EFHD1: variants seen among roughly 807,000 people sequenced by gnomAD.
EFHD1 encodes the protein EF-hand domain family member D1.
Under a neutral mutation model 17.2 loss-of-function variants are expected in EFHD1, and 10 were observed. The ratio of observed to expected loss-of-function variants is 0.58; its 90% CI spans 0.36 to 0.99. The LOEUF (loss-of-function observed/expected upper bound fraction) is 0.99, where lower values mean the gene tolerates loss of function less well. Among genes scored for constraint, EFHD1 ranks in the 50% least tolerant of loss-of-function variants. The pLI, the probability that EFHD1 is intolerant of heterozygous loss-of-function variation, is 0.01. For synonymous variants in EFHD1, 153 were observed against 142.0 expected (o/e 1.08, Z -0.55); for missense variants, 310 against 327.5 (o/e 0.95, Z 0.41).
At position 232,656,226 on chromosome 2, in the gene EFHD1, T is replaced by C. The variant is rs186613760; in HGVS notation, c.303-6576T>C. On this transcript the variant is annotated intron_variant, in intron 1 of 3. Transcript: ENST00000264059. ...GACCATGATGAGGTGGGTAGGACTG[T>C]GGCCCTTGCATTCAGGATTCAGGAC... Among the ~76,000 whole-genome samples the C allele has an allele frequency of 1.6e-3, 239 of 152,266 alleles. 2 individuals are homozygous for C. Among genetic ancestry groups the C allele is most frequent in the African/African-American group, 4.4e-3 (184 of 41,566 alleles).
At chr2:232,667,734 T>A (rs983554540) in intron 2 of EFHD1, among the ~76,000 whole-genome samples, 26 of 152,056 alleles carry the variant, frequency 1.7e-4, no homozygotes, top group African/African-American at 5.8e-4. Flanking sequence ...GTATTTTTCT[T>A]TTTAGTAGAG....
chr2:232,630,687 T>C (rs551102600), upstream of EFHD1, among the ~76,000 whole-genome samples: 27 of 151,574 alleles, frequency 1.8e-4, no homozygotes, highest in Admixed American at 4.6e-4. Context: ...GGCTCACCCC[T>C]GTAATCCCAG....
chr2:232,662,955 T>C lies in EFHD1; in HGVS notation c.450+6T>C. The C allele has an allele frequency of 1.3e-6, 2 of 1,573,914 alleles. No individual in the cohort carries two copies. Among genetic ancestry groups the C allele is most frequent in the Non-Finnish European group, 1.7e-6 (2 of 1,164,438 alleles). On this transcript the variant is annotated splice_donor_region_variant and intron_variant, in intron 2 of 3. Coordinates refer to ENST00000264059, the MANE Select transcript of EFHD1 (RefSeq NM_025202.4). Reference sequence around the variant, plus strand: ...GCAAGCTCAGCTTCCGGGAGGTACCTGCCTGCTGTGGCCCTGAGCCCCTGT... The same window carrying C: ...GCAAGCTCAGCTTCCGGGAGGTACCCGCCTGCTGTGGCCCTGAGCCCCTGT...
chr2:232,613,590 G>T (rs1415595585), intron 1 of EFHD1, among the ~76,000 whole-genome samples: 2 of 149,900 alleles, frequency 1.3e-5, no homozygotes, highest in Non-Finnish European at 3.0e-5. Flanking sequence ...ACTGCACAGG[G>T]ACAAAGAGGA....
chr2:232,647,777 C>T (rs544276176), intron 1 of EFHD1, among the ~76,000 whole-genome samples: 7 of 152,172 alleles, frequency 4.6e-5, no homozygotes, highest in African/African-American at 1.7e-4. Context: ...GCTGGGATTA[C>T]AGGCACCCAC....
intron 1 of EFHD1, among the ~76,000 whole-genome samples, chr2:232,636,799 G>A (rs1468959702): frequency 6.6e-6 from 1 of 152,148 alleles, no homozygotes; most frequent in East Asian, 1.9e-4. Context: ...CTCTAGCCTG[G>A]GCAACAGAGT....
rs574436653 is a variant in EFHD1 at position 232,635,978 on chromosome 2, A to G, written c.302+1972A>G. On this transcript the variant is annotated intron_variant, in intron 1 of 3. Transcript: ENST00000264059. ...AAAACGAGAATAATTTGGCTGAGGA[A>G]ACCAAAAAGCCATCACTAGCTTCAG... Among the ~76,000 whole-genome samples the G allele has an allele frequency of 6.6e-5, 10 of 152,306 alleles. No homozygotes were observed. The South Asian group carries it at 2.1e-3, about 32-fold the overall frequency.
upstream of EFHD1, among the ~76,000 whole-genome samples, chr2:232,632,115 A>G (rs953902926): frequency 2.0e-5 from 3 of 152,336 alleles, no homozygotes; most frequent in Admixed American, 1.3e-4. Flanking sequence ...CAGATGTGAC[A>G]ACAAAGCCAA....
At chr2:232,620,374 C>G (rs569255836) in intron 1 of EFHD1, among the ~76,000 whole-genome samples, 3 of 146,190 alleles carry the variant, frequency 2.1e-5, no homozygotes, top group African/African-American at 7.6e-5. Context: ...GGCGACAAAA[C>G]GAGACTCCAT....
At chr2:232,627,036 C>CTCTCTA (rs1242284297) in intron 1 of EFHD1, among the ~76,000 whole-genome samples, 92 of 112,658 alleles carry the variant, frequency 8.2e-4, no homozygotes, top group Non-Finnish European at 1.6e-3. Flanking sequence ...CTCTCTCTCT[C>CTCTCTA]TATATATATA....
chr2:232,658,192 T>C (rs536297516), intron 1 of EFHD1, among the ~76,000 whole-genome samples: 2 of 152,004 alleles, frequency 1.3e-5, no homozygotes, highest in African/African-American at 2.4e-5. Context: ...CATGAGCCAC[T>C]GCACCCAGCC....
At chr2:232,645,168 T>A (rs1694505856) in intron 1 of EFHD1, among the ~76,000 whole-genome samples, 1 of 152,074 alleles carries the variant, frequency 6.6e-6, no homozygotes, top group Non-Finnish European at 1.5e-5. Context: ...GTTTTGGAGC[T>A]CAGACCTGGG....
chr2:232,664,370 C>T (rs1443094004), intron 2 of EFHD1, among the ~76,000 whole-genome samples: 2 of 151,866 alleles, frequency 1.3e-5, no homozygotes, highest in Non-Finnish European at 2.9e-5. Context: ...CCGACTCAGC[C>T]TCCCAAAGTG....
At chr2:232,635,528 G>T (rs972212964) in intron 1 of EFHD1, among the ~76,000 whole-genome samples, 1 of 152,152 alleles carries the variant, frequency 6.6e-6, no homozygotes, top group Non-Finnish European at 1.5e-5. Context: ...CCAGGATCAC[G>T]CAAAGGGGAG....
At chr2:232,606,275 T>C (rs909205582) in intron 1 of EFHD1, 81 of 1,405,308 alleles carry the variant, frequency 5.8e-5, no homozygotes, top group Admixed American at 1.4e-4. Context: ...CGGTAATTCC[T>C]GGCTTTCGCC....
intron 2 of EFHD1, among the ~76,000 whole-genome samples, chr2:232,667,286 A>G (rs1312487142): frequency 2.0e-5 from 3 of 152,114 alleles, no homozygotes; most frequent in Admixed American, 2.0e-4. Context: ...GACCAGGCCA[A>G]TCGAATTCTC....
upstream of EFHD1, among the ~76,000 whole-genome samples, chr2:232,629,002 GC>G (rs34815416): frequency 0.16 from 24,419 of 152,148 alleles, 2,940 homozygotes; most frequent in African/African-American, 0.32. Context: ...TCAGCCAACA[GC>G]CCCAGTGAAG....
At chr2:232,623,717 A>G (rs1356450475) in intron 1 of EFHD1, among the ~76,000 whole-genome samples, 1 of 150,054 alleles carries the variant, frequency 6.7e-6, no homozygotes. Context: ...GAAGAAGAAG[A>G]AAGAAAGAAA....
At chr2:232,624,432 A>G (rs748976612) in intron 1 of EFHD1, among the ~76,000 whole-genome samples, 6 of 152,226 alleles carry the variant, frequency 3.9e-5, no homozygotes, top group Non-Finnish European at 8.8e-5. Flanking sequence ...AAGCTCCCCT[A>G]TTCTTGATGC....
Sources: allele counts gnomAD v4.1 joint callset (sites outside exome capture counted in the v4.1 genomes callset), GRCh38; gene constraint gnomAD v4.1.1; transcripts MANE v1.5; gene names NCBI Gene and HGNC (gene_info 2026-07-23, HGNC 2026-07-21).